The following MAGEE1 variants were observed in gnomAD, a reference collection of about 807,000 sequenced individuals.
The protein encoded by MAGEE1 is MAGE family member E1.
Under a neutral mutation model 12.0 loss-of-function variants are expected in MAGEE1, and 3 were observed. That is an observed-to-expected ratio of 0.25 (90% CI 0.11 to 0.65). The LOEUF (loss-of-function observed/expected upper bound fraction) is 0.65, where lower values mean the gene tolerates loss of function less well. Ranked by LOEUF, MAGEE1 falls within the 30% of genes least tolerant of loss-of-function variation. MAGEE1 has a pLI of 0.84. For synonymous variants in MAGEE1, 414 were observed against 326.1 expected (o/e 1.27, Z -2.91); for missense variants, 729 against 772.2 (o/e 0.94, Z 0.66).
chrX:76,428,089 G>A lies in MAGEE1; in HGVS notation c.159G>A (p.Gln53=). The A allele has an allele frequency of 8.5e-7, 1 of 1,182,004 alleles. No individual in the cohort carries two copies. The change falls in exon 1 of 1, where the codon CAG becomes CAA. Residue 53 remains glutamine, a synonymous_variant. Coordinates refer to ENST00000361470, the MANE Select transcript of MAGEE1 (RefSeq NM_020932.3). Reference sequence around the variant, plus strand: ...TCCCCCAGGGTCCCAGCGATTCCCAGATCCTCCAGGGCCTCTGCGCCTCTG... The same window carrying A: ...TCCCCCAGGGTCCCAGCGATTCCCAAATCCTCCAGGGCCTCTGCGCCTCTG... The part of the protein sequence containing the change: ...SDVPQGPSDS[Q]ILQGLCASEG...
rs782617851 is a variant in MAGEE1 at position 76,428,224 on chromosome X, G to C, written c.294G>C (p.Glu98Asp). 5.0e-6 allele frequency: 6 copies of C among 1,212,076 alleles called. No homozygotes were observed. Among genetic ancestry groups the C allele is most frequent in the Non-Finnish European group, 6.7e-6 (6 of 895,541 alleles). ...SSASGQPTIS[E>D]GPGTSVLPTP... ...CCTCCGGGCAGCCCACCATCTCTGA[G>C]GGACCTGGCACCTCCGTGCTGCCCA... The change falls in exon 1 of 1, where the codon GAG becomes GAC. Residue 98 changes from glutamate (E) to aspartate (D), a missense_variant. Physicochemically the swap from Glu to Asp is conservative, Grantham distance 45. Around this residue, in one of 4 missense-constraint regions of MAGEE1, gnomAD observed 473 missense variants for 423.7 expected, o/e 1.12. Coordinates refer to ENST00000361470, the MANE Select transcript of MAGEE1 (RefSeq NM_020932.3).
chrX:76,430,098 C>T lies in MAGEE1; in HGVS notation c.2168C>T (p.Ser723Phe). The change falls in exon 1 of 1, where the codon TCC (serine) becomes TTC (phenylalanine). Residue 723 changes from serine to phenylalanine, a missense_variant. Physicochemically the swap from Ser to Phe is radical, Grantham distance 155 (BLOSUM62 -2). Coordinates refer to ENST00000361470, the MANE Select transcript of MAGEE1 (RefSeq NM_020932.3). Reference sequence around the variant, plus strand: ...GAGGAAGCTGCTGCAGAGGTACCATCCCCTGATTCAGAGGTTTCCAGCTAT... The same window carrying T: ...GAGGAAGCTGCTGCAGAGGTACCATTCCCTGATTCAGAGGTTTCCAGCTAT... ...FFEEAAAEVP[S>F]PDSEVSSYSS... The T allele has an allele frequency of 8.3e-7, 1 of 1,211,511 alleles. No homozygotes were observed. Among genetic ancestry groups the T allele is most frequent in the Non-Finnish European group, 1.1e-6 (1 of 895,437 alleles).
chrX:76,427,978 A>C lies in MAGEE1; in HGVS notation c.48A>C (p.Ala16=). 1.2e-5 allele frequency: 14 copies of C among 1,205,596 alleles called. No individual in the cohort carries two copies. The highest frequency in any genetic ancestry group is 1.6e-5 in the Non-Finnish European group (14 of 893,277). Residue 16 remains alanine (A), a synonymous_variant, in exon 1 of 1, where the codon GCA becomes GCC. Coordinates refer to ENST00000361470, the MANE Select transcript of MAGEE1 (RefSeq NM_020932.3). ...CGCGCCGCCGCCGCCGCCGCGTTGC[A>C]AAGGCTACTGCGCACAACAGCAGCT... ...QNSRRRRRRV[A]KATAHNSSWG...
At position 76,429,571 on chromosome X, in the gene MAGEE1, A is replaced by T. The variant is rs782587132; in HGVS notation, c.1641A>T (p.Glu547Asp). 3.3e-6 allele frequency: 4 copies of T among 1,209,535 alleles called. No homozygotes were observed. In the African/African-American group the frequency reaches 7.0e-5, roughly 21 times the overall value. The change falls in exon 1 of 1, where the codon GAA becomes GAT. Residue 547 changes from glutamate (E) to aspartate (D), a missense_variant. By Grantham distance (45) the Glu-to-Asp change is conservative. This residue lies in a region of MAGEE1 where 91 missense variants were observed against 133.8 expected (regional missense o/e 0.68). Transcript: ENST00000361470. The part of the protein sequence containing the change: ...AAHLECIFRF[E>D]LRELDPEAHT... ...ACCTGGAGTGCATTTTTAGGTTTGA[A>T]TTGAGAGAACTTGACCCTGAGGCAC...
Position 76,429,130 on chromosome X carries a change from G to A in MAGEE1, c.1200G>A (p.Pro400=), listed in dbSNP as rs1275689135. 5.0e-6 allele frequency: 6 copies of A among 1,211,257 alleles called. No individual in the cohort carries two copies. The highest frequency in any genetic ancestry group is 2.2e-5 in the Admixed American group (1 of 46,076). ...TLVQPTAPDG[P]GSSVLPNPGE... ...TGCAGCCCACCGCCCCTGACGGACC[G>A]GGAAGCTCCGTGCTGCCTAACCCTG... Residue 400 remains proline (P), a synonymous_variant, in exon 1 of 1, where the codon CCG becomes CCA. Transcript: ENST00000361470.
Position 76,430,621 on chromosome X carries a change from T to C in MAGEE1, c.2691T>C (p.Tyr897=), listed in dbSNP as rs1556839960. ...TTCCTGACAGTGATCCAGTGCAATA[T>C]GAGTTTGTATGGGGTCCTAGAGCCC... ...LRVPDSDPVQ[Y]EFVWGPRARL... Residue 897 remains tyrosine, a synonymous_variant, in exon 1 of 1, where the codon TAT becomes TAC. Coordinates refer to ENST00000361470, the MANE Select transcript of MAGEE1 (RefSeq NM_020932.3). 2.5e-6 allele frequency: 3 copies of C among 1,211,520 alleles called. No individual in the cohort carries two copies. The highest frequency in any genetic ancestry group is 2.2e-6 in the Non-Finnish European group (2 of 895,497).
rs1923338799 is a variant in MAGEE1, at chrX:76,429,874, A to G, written c.1944A>G (p.Pro648=). 8.3e-7 allele frequency: 1 copy of G among 1,209,803 alleles called. No homozygotes were observed. The highest frequency in any genetic ancestry group is 1.8e-5 in the African/African-American group (1 of 57,046). The change falls in exon 1 of 1, where the codon CCA becomes CCG. Residue 648 remains proline, a synonymous_variant. Coordinates refer to ENST00000361470, the MANE Select transcript of MAGEE1 (RefSeq NM_020932.3). The part of the protein sequence containing the change: ...LDYRPVTDCK[P]VEYEFFWGPR... ...ACAGGCCAGTAACTGACTGTAAACC[A>G]GTGGAGTATGAGTTTTTCTGGGGCC...
At position 76,429,536 on chromosome X, in the gene MAGEE1, G is replaced by A. The variant is rs782221439; in HGVS notation, c.1606G>A (p.Ala536Thr). ...RNQFPEILRR[A>T]AAHLECIFRF... ...CCAGTTTCCTGAGATACTCAGGCGA[G>A]CAGCAGCCCACCTGGAGTGCATTTT... Residue 536 changes from alanine (A) to threonine (T), a missense_variant, in exon 1 of 1, where the codon GCA becomes ACA. Ala to Thr is a moderately conservative substitution (Grantham distance 58). This residue lies in a region of MAGEE1 where 91 missense variants were observed against 133.8 expected (regional missense o/e 0.68). Transcript: ENST00000361470. 1.7e-6 allele frequency: 2 copies of A among 1,211,500 alleles called. No individual in the cohort carries two copies. The highest frequency in any genetic ancestry group is 3.0e-5 in the East Asian group (1 of 33,822).
Position 76,427,864 on chromosome X carries a change from G to A in MAGEE1, c.-67G>A. 1 of 1,115,931 alleles carries A rather than the reference G, an allele frequency of 9.0e-7. No individual in the cohort carries two copies. 92.0% of individuals were successfully genotyped at this position (1,115,931 alleles called of 1,213,427 possible). A position where few individuals can be genotyped will look rare whatever the true frequency, so the allele number is the denominator to read the frequency against. On this transcript the variant is annotated 5_prime_UTR_variant, in exon 1 of 1. Coordinates refer to ENST00000361470, the MANE Select transcript of MAGEE1 (RefSeq NM_020932.3). The stretch of plus-strand genomic sequence containing the variant: ...GTGCCGAGGCACCTACACACCTCCC[G>A]TCCTCTCTGCCAGATCGCGGGCCTG...
chrX:76,429,655 C>A lies in MAGEE1; in HGVS notation c.1725C>A (p.Ser575Arg). The change falls in exon 1 of 1, where the codon AGC becomes AGA. Residue 575 changes from serine (S) to arginine (R), a missense_variant. Around this residue, in one of 4 missense-constraint regions of MAGEE1, gnomAD observed 91 missense variants for 133.8 expected, o/e 0.68. Coordinates refer to ENST00000361470, the MANE Select transcript of MAGEE1 (RefSeq NM_020932.3). ...TGCCCTTTGAAGGGTTAGAAGAGAG[C>A]CCAAATGGGCCAAAGATGGGCCTCC... Reference protein sequence around the residue: ...GPVPFEGLEESPNGPKMGLLM... With the variant: ...GPVPFEGLEERPNGPKMGLLM... The A allele has an allele frequency of 1.7e-6, 2 of 1,209,756 alleles. No homozygotes were observed. The highest frequency in any genetic ancestry group is 2.2e-6 in the Non-Finnish European group (2 of 894,647).
rs1008015423 is a variant in MAGEE1 at position 76,430,331 on chromosome X, G to C, written c.2401G>C (p.Glu801Gln). 3.3e-6 allele frequency: 4 copies of C among 1,210,544 alleles called. No individual in the cohort carries two copies. Among genetic ancestry groups the C allele is most frequent in the Non-Finnish European group, 4.5e-6 (4 of 895,382 alleles). Residue 801 changes from glutamate (E) to glutamine (Q), a missense_variant, in exon 1 of 1, where the codon GAA (glutamate) becomes CAA (glutamine). Coordinates refer to ENST00000361470, the MANE Select transcript of MAGEE1 (RefSeq NM_020932.3). Reference protein sequence around the residue: ...ARTLNHVYGTELVVLDPRNHS... With the variant: ...ARTLNHVYGTQLVVLDPRNHS... ...CACCCTGAACCATGTCTATGGGACAGAACTAGTGGTACTTGATCCCAGGAA... is the reference window on the plus strand; with the variant it reads ...CACCCTGAACCATGTCTATGGGACACAACTAGTGGTACTTGATCCCAGGAA...
At position 76,428,641 on chromosome X, in the gene MAGEE1, G is replaced by T; in HGVS notation, c.711G>T (p.Pro237=). The T allele has an allele frequency of 1.7e-6, 2 of 1,207,082 alleles. No homozygotes were observed. The highest frequency in any genetic ancestry group is 2.2e-6 in the Non-Finnish European group (2 of 893,431). The change falls in exon 1 of 1, where the codon CCG becomes CCT. Residue 237 remains proline (P), a synonymous_variant. Coordinates refer to ENST00000361470, the MANE Select transcript of MAGEE1 (RefSeq NM_020932.3). The stretch of plus-strand genomic sequence containing the variant: ...ATGAGGGACCGAGCACCTCCGTGCC[G>T]CCCACCGCCACTGAGGGCCTAAGCA... ...TPDEGPSTSV[P]PTATEGLSTP...
chrX:76,429,130 G>C lies in MAGEE1; in HGVS notation c.1200G>C (p.Pro400=), dbSNP rs1275689135. 3 of 1,211,257 alleles carry C rather than the reference G, an allele frequency of 2.5e-6. No homozygotes were observed. The highest frequency in any genetic ancestry group is 2.2e-6 in the Non-Finnish European group (2 of 895,099). Residue 400 remains proline (P), a synonymous_variant, in exon 1 of 1, where the codon CCG becomes CCC. Coordinates refer to ENST00000361470, the MANE Select transcript of MAGEE1 (RefSeq NM_020932.3). ...TLVQPTAPDG[P]GSSVLPNPGE... ...TGCAGCCCACCGCCCCTGACGGACC[G>C]GGAAGCTCCGTGCTGCCTAACCCTG...
Position 76,428,576 on chromosome X carries a change from G to A in MAGEE1, c.646G>A (p.Ala216Thr), listed in dbSNP as rs5982146. 6.2e-3 allele frequency: 7,433 copies of A among 1,201,925 alleles called. 330 individuals carry two copies. The African/African-American group carries it at 0.12, about 19-fold the overall frequency. ...EGPGTSVPLA[A>T]TEGLSTSVQA... ...ACCAGGCACCTCCGTGCCGCTCGCC[G>A]CCACTGAGGGCCTGAGCACCTCCGT... The change falls in exon 1 of 1, where the codon GCC becomes ACC. Residue 216 changes from alanine (A) to threonine (T), a missense_variant. Physicochemically the swap from Ala to Thr is moderately conservative, Grantham distance 58. Around this residue, in one of 4 missense-constraint regions of MAGEE1, gnomAD observed 473 missense variants for 423.7 expected, o/e 1.12. Coordinates refer to ENST00000361470, the MANE Select transcript of MAGEE1 (RefSeq NM_020932.3).
At position 76,428,216 on chromosome X, in the gene MAGEE1, A is replaced by G. The variant is rs1556839164; in HGVS notation, c.286A>G (p.Ile96Val). The change falls in exon 1 of 1, where the codon ATC (isoleucine) becomes GTC (valine). Residue 96 changes from isoleucine (I) to valine (V), a missense_variant. Ile to Val is a conservative substitution (Grantham distance 29). Around this residue, in one of 4 missense-constraint regions of MAGEE1, gnomAD observed 473 missense variants for 423.7 expected, o/e 1.12. Coordinates refer to ENST00000361470, the MANE Select transcript of MAGEE1 (RefSeq NM_020932.3). The stretch of plus-strand genomic sequence containing the variant: ...CTCAAGCGCCTCCGGGCAGCCCACC[A>G]TCTCTGAGGGACCTGGCACCTCCGT... ...EASSASGQPT[I>V]SEGPGTSVLP... 8.3e-7 allele frequency: 1 copy of G among 1,207,313 alleles called. No homozygotes were observed. The highest frequency in any genetic ancestry group is 1.8e-5 in the African/African-American group (1 of 56,427).
chrX:76,427,900 C>A lies in MAGEE1; in HGVS notation c.-31C>A, dbSNP rs782718379. ...CAGATCGCGGGCCTGTCGGTGTCTG[C>A]TCCTACACGCCAACGCCGGTGGGCA... On this transcript the variant is annotated 5_prime_UTR_variant, in exon 1 of 1. Coordinates refer to ENST00000361470, the MANE Select transcript of MAGEE1 (RefSeq NM_020932.3). The A allele has an allele frequency of 8.6e-7, 1 of 1,168,011 alleles. No individual in the cohort carries two copies. Among genetic ancestry groups the A allele is most frequent in the Non-Finnish European group, 1.1e-6 (1 of 873,069 alleles).
In MAGEE1 at chrX:76,429,010, C is replaced by G; in HGVS notation, c.1080C>G (p.Pro360=). 1.7e-6 allele frequency: 2 copies of G among 1,210,147 alleles called. No individual in the cohort carries two copies. The highest frequency in any genetic ancestry group is 2.2e-6 in the Non-Finnish European group (2 of 895,046). ...EGPSTSVLPI[P]GEGLSTSVPP... ...CAAGCACTTCCGTACTGCCAATCCC[C>G]GGTGAGGGACTGAGCACCTCTGTGC... The change falls in exon 1 of 1, where the codon CCC becomes CCG. Residue 360 remains proline, a synonymous_variant. Transcript: ENST00000361470.
rs1556839648 is a variant in MAGEE1 at position 76,429,340 on chromosome X, C to T, written c.1410C>T (p.Ser470=). 8.3e-7 allele frequency: 1 copy of T among 1,211,522 alleles called. No individual in the cohort carries two copies. Among genetic ancestry groups the T allele is most frequent in the East Asian group, 3.0e-5 (1 of 33,823 alleles). Residue 470 remains serine, a synonymous_variant, in exon 1 of 1, where the codon TCC becomes TCT. Coordinates refer to ENST00000361470, the MANE Select transcript of MAGEE1 (RefSeq NM_020932.3). ...EVLRDCESPN[S]ISIMGLNTSR... ...TGAGAGACTGTGAGAGCCCCAACTCCATTAGTATTATGGGCCTCAATACTT... is the reference window on the plus strand; with the variant it reads ...TGAGAGACTGTGAGAGCCCCAACTCTATTAGTATTATGGGCCTCAATACTT...
rs1556839752 is a variant in MAGEE1, at chrX:76,429,652, G to C, written c.1722G>C (p.Glu574Asp). The part of the protein sequence containing the change: ...LGPVPFEGLE[E>D]SPNGPKMGLL... Reference sequence around the variant, plus strand: ...CTGTGCCCTTTGAAGGGTTAGAAGAGAGCCCAAATGGGCCAAAGATGGGCC... The same window carrying C: ...CTGTGCCCTTTGAAGGGTTAGAAGACAGCCCAAATGGGCCAAAGATGGGCC... Residue 574 changes from glutamate to aspartate, a missense_variant, in exon 1 of 1, where the codon GAG becomes GAC. By Grantham distance (45) the Glu-to-Asp change is conservative (BLOSUM62 2). Transcript: ENST00000361470. 8.3e-7 allele frequency: 1 copy of C among 1,210,255 alleles called. No homozygotes were observed. Among genetic ancestry groups the C allele is most frequent in the East Asian group, 3.0e-5 (1 of 33,790 alleles).
Sources: allele counts gnomAD v4.1 joint callset, GRCh38; gene constraint gnomAD v4.1.1; regional missense constraint gnomAD v4.1.1; transcripts MANE v1.5; gene names NCBI Gene and HGNC (gene_info 2026-07-23, HGNC 2026-07-21).